CREM: variants seen among roughly 807,000 people sequenced by gnomAD.
CREM encodes cAMP-responsive element modulator.
CREM carries 13 observed loss-of-function variants against 37.3 expected under a neutral mutation model. The ratio of observed to expected loss-of-function variants is 0.35; its 90% CI spans 0.23 to 0.55. The LOEUF is 0.55. Ranked by LOEUF, CREM falls within the 20% of genes least tolerant of loss-of-function variation. The probability of loss-of-function intolerance (pLI) is 0.88; values close to 1 mark genes in which losing one functional copy is unlikely to be tolerated. For synonymous variants in CREM, 124 were observed against 120.2 expected (o/e 1.03, Z -0.21); for missense variants, 296 against 362.3 (o/e 0.82, Z 1.49).
At chr10:35,136,814 ACT>A (rs2090607294) in intron 1 of CREM, among the ~76,000 whole-genome samples, 1 of 107,712 alleles carries the variant, frequency 9.3e-6, no homozygotes, top group African/African-American at 3.7e-5. Flanking sequence ...TTTTTTTGGG[ACT>A]CTGTCTCAAA....
intron 3 of CREM, among the ~76,000 whole-genome samples, chr10:35,163,255 T>C (rs887406184): frequency 1.3e-5 from 2 of 152,142 alleles, no homozygotes; most frequent in Non-Finnish European, 2.9e-5. Flanking sequence ...AACAAAAATA[T>C]TAAATGTGTG....
intron 3 of CREM, among the ~76,000 whole-genome samples, chr10:35,156,219 GT>G (rs1424522193): frequency 6.6e-6 from 1 of 150,888 alleles, no homozygotes; most frequent in African/African-American, 2.4e-5. Flanking sequence ...GATTACAGGC[GT>G]GAGCCACAGT....
At position 35,179,153 on chromosome 10, in the gene CREM, T is replaced by C. The variant is rs1178482557; in HGVS notation, c.286T>C (p.Ser96Pro). 1 of 1,613,426 alleles carries C rather than the reference T, an allele frequency of 6.2e-7. No homozygotes were observed. Among genetic ancestry groups the C allele is most frequent in the Non-Finnish European group, 8.5e-7 (1 of 1,179,690 alleles). ...TTTTAGGAAAATACTGAATGAACTG[T>C]CCTCTGATGTGCCTGGTGTTCCCAA... ...PSYRKILNEL[S>P]SDVPGVPKIE... Residue 96 changes from serine to proline, a missense_variant, in exon 5 of 8, where the codon TCC (serine) becomes CCC (proline). Ser to Pro is a moderately conservative substitution (Grantham distance 74). Transcript: ENST00000685392.
chr10:35,150,910 G>A (rs767538543), intron 3 of CREM, among the ~76,000 whole-genome samples: 1 of 93,280 alleles, frequency 1.1e-5, no homozygotes, highest in Non-Finnish European at 2.3e-5. Flanking sequence ...TTGCCAACAG[G>A]TTAAGTAATG....
At chr10:35,127,232 C>G (rs2135187883) in intron 1 of CREM, 39 bp downstream of exon 1, 1 of 153,446 alleles carries the variant, frequency 6.5e-6, no homozygotes, top group East Asian at 1.9e-4. Context: ...GACCCAGCAG[C>G]GGGCGACGCG....
rs531448131 is a variant in CREM at position 35,205,131 on chromosome 10, C to T, written c.599-1764C>T. ...GGACCATACGTTCTCAATGTTGAAG[C>T]GTTGGTGGTAGAAATGTTTTATCAC... is the stretch of plus-strand genomic sequence containing the variant. On this transcript the variant is annotated intron_variant, in intron 6 of 7. Transcript: ENST00000685392. Among the ~76,000 whole-genome samples the T allele has an allele frequency of 1.1e-4, 17 of 152,226 alleles. No individual in the cohort carries two copies. The South Asian group carries it at 2.7e-3, about 24-fold the overall frequency.
chr10:35,135,506 C>G (rs2090320091), intron 1 of CREM: 2 of 151,502 alleles, frequency 1.3e-5, no homozygotes, highest in South Asian at 4.1e-4. Context: ...TGCCCACCAC[C>G]CCCCGAAAAA....
intron 2 of CREM, among the ~76,000 whole-genome samples, chr10:35,142,539 A>G (rs1221066229): frequency 6.6e-6 from 1 of 152,210 alleles, no homozygotes; most frequent in African/African-American, 2.4e-5. Flanking sequence ...ATGGGAGAGT[A>G]GTAAGCCAAG....
chr10:35,136,267 A>G (rs1315816138), intron 1 of CREM, among the ~76,000 whole-genome samples: 1 of 152,206 alleles, frequency 6.6e-6, no homozygotes, highest in East Asian at 1.9e-4. Flanking sequence ...TGTGATTATC[A>G]TTATTGTTCA....
At chr10:35,139,743 GAC>G (rs1195219068) in intron 2 of CREM, among the ~76,000 whole-genome samples, 1 of 152,116 alleles carries the variant, frequency 6.6e-6, no homozygotes, top group Non-Finnish European at 1.5e-5. Context: ...TGTTCTATGA[GAC>G]ATCTCTTCAA....
chr10:35,201,689 A>G (rs2095389855), intron 6 of CREM, among the ~76,000 whole-genome samples: 1 of 152,228 alleles, frequency 6.6e-6, no homozygotes, highest in African/African-American at 2.4e-5. Context: ...GAAGCACATC[A>G]TAATGAGAAC....
chr10:35,196,136 G>A (rs2095154141), intron 6 of CREM: 1 of 1,611,050 alleles, frequency 6.2e-7, no homozygotes, highest in Non-Finnish European at 8.5e-7. Context: ...GTCCCTGCAT[G>A]CGCCTGGTGA....
chr10:35,212,101 A>G lies in CREM; in HGVS notation c.*703A>G. Reference sequence around the variant, plus strand: ...TGTGTCATCAATAGTGTCCTATGCAATAAAATTATTTGCAGGTCTTTAAAT... The same window carrying G: ...TGTGTCATCAATAGTGTCCTATGCAGTAAAATTATTTGCAGGTCTTTAAAT... On this transcript the variant is annotated 3_prime_UTR_variant, in exon 8 of 8. Coordinates refer to ENST00000685392, the MANE Select transcript of CREM (RefSeq NM_183011.2). 4.4e-6 allele frequency: 1 copy of G among 228,154 alleles called. No individual in the cohort carries two copies. The highest frequency in any genetic ancestry group is 8.4e-6 in the Non-Finnish European group (1 of 118,462). 14.1% of individuals were successfully genotyped at this position (228,154 alleles called of 1,614,324 possible).
chr10:35,152,561 A>G lies in CREM; in HGVS notation c.168+4070A>G, dbSNP rs893024678. Among the ~76,000 whole-genome samples the G allele has an allele frequency of 2.6e-5, 4 of 152,338 alleles. No homozygotes were observed. In the South Asian group the frequency reaches 6.2e-4, roughly 24 times the overall value. On this transcript the variant is annotated intron_variant, in intron 3 of 7. Coordinates refer to ENST00000685392, the MANE Select transcript of CREM (RefSeq NM_183011.2). Reference sequence around the variant, plus strand: ...AGTACGGCAAATAACTGGAAGTTAAATGTTGTCTTGGCTTTCTTCTTGCCT... The same window carrying G: ...AGTACGGCAAATAACTGGAAGTTAAGTGTTGTCTTGGCTTTCTTCTTGCCT...
intron 6 of CREM, 91 bp from the exon 7 acceptor site, chr10:35,206,804 G>A: frequency 9.0e-6 from 11 of 1,227,416 alleles, no homozygotes; most frequent in Non-Finnish European, 1.2e-5. Flanking sequence ...CTTATGAGAT[G>A]TCAAAAGTAT....
At chr10:35,150,277 C>G (rs1351220139) in intron 3 of CREM, among the ~76,000 whole-genome samples, 15 of 151,998 alleles carry the variant, frequency 9.9e-5, no homozygotes, top group Admixed American at 9.8e-4. Context: ...AGTCCTTGCA[C>G]CTCAGCTTCC....
chr10:35,186,836 G>GTATATATACGTATATATGT (rs1405929664), intron 5 of CREM, among the ~76,000 whole-genome samples: 8 of 103,906 alleles, frequency 7.7e-5, no homozygotes, highest in Non-Finnish European at 1.4e-4. Flanking sequence ...ACATATATAG[G>GTATATATACGTATATATGT]TATATATACG....
rs1368761688 is a variant in CREM at position 35,166,539 on chromosome 10, T to C, written c.169-12350T>C. On this transcript the variant is annotated intron_variant, in intron 3 of 7. Transcript: ENST00000685392. ...CAGATCACGCCACTTCCCTCCAGCCTGGGCGACAGAACAAGAGTCTGTATC... is the reference window on the plus strand; with the variant it reads ...CAGATCACGCCACTTCCCTCCAGCCCGGGCGACAGAACAAGAGTCTGTATC... Among the ~76,000 whole-genome samples the C allele has an allele frequency of 2.7e-5, 4 of 147,164 alleles. No individual in the cohort carries two copies. The East Asian group carries it at 8.0e-4, about 29-fold the overall frequency.
At chr10:35,149,889 A>AACACAC (rs55971717) in intron 3 of CREM, among the ~76,000 whole-genome samples, 6,431 of 111,756 alleles carry the variant, frequency 0.058, 268 homozygotes, top group Middle Eastern at 0.092. Flanking sequence ...CTTTTGCTTA[A>AACACAC]ACACACACAC....
Sources: gnomAD v4.1 joint callset for allele counts (sites outside exome capture counted in the v4.1 genomes callset) on GRCh38, gnomAD v4.1.1 for gene constraint, MANE v1.5 for transcripts, NCBI Gene and HGNC (gene_info 2026-07-23, HGNC 2026-07-21) for gene names.